The following ADAM12 variants were observed in gnomAD, a reference collection of about 807,000 sequenced individuals.
ADAM12 encodes ADAM metallopeptidase domain 12.
Under a neutral mutation model 106.4 loss-of-function variants are expected in ADAM12, and 70 were observed. The ratio of observed to expected loss-of-function variants is 0.66; its 90% CI spans 0.54 to 0.80. The LOEUF (loss-of-function observed/expected upper bound fraction) is 0.80, where lower values mean the gene tolerates loss of function less well. Ranked by LOEUF, ADAM12 falls within the 30% of genes least tolerant of loss-of-function variation. The pLI is 0.00. For synonymous variants in ADAM12, 420 were observed against 433.5 expected, an observed-to-expected ratio of 0.97 and a Z score of 0.39; for missense variants, 1,010 against 1,171.9, an observed-to-expected ratio of 0.86 and a Z score of 2.02.
At chr10:126,270,189 C>A (rs1959168911) in intron 3 of ADAM12, among the ~76,000 whole-genome samples, 1 of 152,142 alleles carries the variant, frequency 6.6e-6, no homozygotes, top group Non-Finnish European at 1.5e-5. Context: ...TTGACTGCAC[C>A]ATCACCCTTT....
chr10:126,259,290 C>A (rs1232412830), intron 3 of ADAM12, among the ~76,000 whole-genome samples: 2 of 151,956 alleles, frequency 1.3e-5, no homozygotes, highest in Non-Finnish European at 1.5e-5. Flanking sequence ...TCTTAGATAT[C>A]CAAGCAAATG....
At chr10:126,240,775 G>A (rs956219491) in intron 3 of ADAM12, among the ~76,000 whole-genome samples, 4 of 152,228 alleles carry the variant, frequency 2.6e-5, no homozygotes, top group African/African-American at 4.8e-5. Context: ...GATGCAGGCC[G>A]ATAGCAGGGC....
chr10:126,326,770 C>T (rs986995475), intron 2 of ADAM12, among the ~76,000 whole-genome samples: 1 of 152,152 alleles, frequency 6.6e-6, no homozygotes, highest in Non-Finnish European at 1.5e-5. Flanking sequence ...CCCTCTTTGG[C>T]TCCCTCTGTC....
chr10:126,168,128 G>GAGGT (rs2133756517), intron 3 of ADAM12, among the ~76,000 whole-genome samples: 1 of 152,306 alleles, frequency 6.6e-6, no homozygotes, highest in Admixed American at 6.5e-5. Context: ...CAAGTGGAGA[G>GAGGT]AGGTGCCTTT....
intron 1 of ADAM12, among the ~76,000 whole-genome samples, chr10:126,345,667 T>C (rs1243529853): frequency 2.6e-5 from 4 of 152,222 alleles, no homozygotes; most frequent in Non-Finnish European, 5.9e-5. Context: ...CTTTTTTTGG[T>C]TGGTAGACTA....
chr10:126,079,796 C>G (rs1177338137), intron 11 of ADAM12, among the ~76,000 whole-genome samples: 1 of 152,128 alleles, frequency 6.6e-6, no homozygotes, highest in East Asian at 1.9e-4. Context: ...GAAAACCTGA[C>G]CTGATTTTGT....
At chr10:126,023,830 G>A (rs750289271) in intron 21 of ADAM12, among the ~76,000 whole-genome samples, 7 of 151,812 alleles carry the variant, frequency 4.6e-5, no homozygotes, top group Non-Finnish European at 7.4e-5. Context: ...ACCTGGCAGA[G>A]GCAAAATAGC....
At chr10:126,339,454 T>C (rs1369872179) in intron 1 of ADAM12, among the ~76,000 whole-genome samples, 2 of 152,214 alleles carry the variant, frequency 1.3e-5, no homozygotes, top group Non-Finnish European at 2.9e-5. Flanking sequence ...AGAGTCCTCT[T>C]CTTACAAAAC....
intron 3 of ADAM12, among the ~76,000 whole-genome samples, chr10:126,278,225 T>C (rs1959370370): frequency 6.6e-6 from 1 of 152,188 alleles, no homozygotes; most frequent in Admixed American, 6.5e-5. Flanking sequence ...ATGGTACTAA[T>C]GAAATAGAAT....
intron 21 of ADAM12, among the ~76,000 whole-genome samples, chr10:126,024,792 TAAAA>T (rs1459120138): frequency 6.7e-6 from 1 of 149,402 alleles, no homozygotes; most frequent in Non-Finnish European, 1.5e-5. Context: ...TAGAAAAAAA[TAAAA>T]TTTGATTATA....
chr10:126,313,605 ATCCATCTG>A (rs758278788), intron 2 of ADAM12, among the ~76,000 whole-genome samples: 6 of 140,334 alleles, frequency 4.3e-5, no homozygotes, highest in African/African-American at 7.9e-5. Flanking sequence ...AGCCCCATCC[ATCCATCTG>A]TCCATCTGTC....
intron 17 of ADAM12, among the ~76,000 whole-genome samples, chr10:126,045,037 A>G (rs1052298583): frequency 6.6e-6 from 1 of 152,156 alleles, no homozygotes; most frequent in Non-Finnish European, 1.5e-5. Context: ...CTACCCAGCA[A>G]ATGCGGGCCT....
intron 5 of ADAM12, among the ~76,000 whole-genome samples, chr10:126,131,424 C>T (rs1480672701): frequency 1.3e-5 from 2 of 152,132 alleles, no homozygotes; most frequent in East Asian, 3.9e-4. Context: ...CAAAACAAAA[C>T]AACAACTGCC....
intron 11 of ADAM12, among the ~76,000 whole-genome samples, chr10:126,073,248 C>A (rs1169403327): frequency 6.6e-6 from 1 of 152,126 alleles, no homozygotes; most frequent in East Asian, 1.9e-4. Flanking sequence ...ACCACCATGC[C>A]TGGCTAATTT....
In ADAM12 at chr10:126,309,585, G is replaced by C. The variant is rs560833733; in HGVS notation, c.186+20827C>G. Among the ~76,000 whole-genome samples, 3 of 152,218 alleles carry C rather than the reference G, an allele frequency of 2.0e-5. No individual in the cohort carries two copies. The East Asian group carries it at 5.8e-4, about 29-fold the overall frequency. On this transcript the variant is annotated intron_variant, in intron 2 of 22. Transcript: ENST00000448723. ...AAAAAAGGGCTAGAATGATGCACTG[G>C]GTCCAGAAAATGGAGATAAAATTAA...
chr10:126,034,526 C>T (rs138320063), intron 21 of ADAM12, among the ~76,000 whole-genome samples: 1 of 152,068 alleles, frequency 6.6e-6, no homozygotes, highest in Non-Finnish European at 1.5e-5. Flanking sequence ...CCAGAGAGAA[C>T]AAACAGAATA....
At chr10:126,099,198 A>T (rs1268284067) in intron 9 of ADAM12, among the ~76,000 whole-genome samples, 1 of 152,220 alleles carries the variant, frequency 6.6e-6, no homozygotes, top group African/African-American at 2.4e-5. Flanking sequence ...CATGCATGAA[A>T]AACAAAACGC....
chr10:126,101,046 TAAGCA>T, intron 9 of ADAM12, 21 bp downstream of exon 9: 2 of 1,608,610 alleles, frequency 1.2e-6, no homozygotes, highest in Admixed American at 3.4e-5. Context: ...CTTTTTTTTT[TAAGCA>T]GACAAGACGT....
At chr10:126,359,517 G>A (rs1033358892) in intron 1 of ADAM12, among the ~76,000 whole-genome samples, 4 of 152,146 alleles carry the variant, frequency 2.6e-5, no homozygotes, top group African/African-American at 9.7e-5. Flanking sequence ...CAGGACCCAC[G>A]CAAGTTCAAA....
Sources: gnomAD v4.1 joint callset for allele counts (sites outside exome capture counted in the v4.1 genomes callset) on GRCh38, gnomAD v4.1.1 for gene constraint, MANE v1.5 for transcripts, NCBI Gene and HGNC (gene_info 2026-07-23, HGNC 2026-07-21) for gene names.